PKD1L3: variants seen among roughly 807,000 people sequenced by gnomAD.
PKD1L3 encodes polycystin 1 like 3, transient receptor potential channel interacting.
A neutral mutation model predicts 184.1 loss-of-function variants in PKD1L3; 239 were observed. The ratio of observed to expected loss-of-function variants is 1.30; its 90% CI spans 1.17 to 1.45. The LOEUF is 1.45. PKD1L3 is among the 40% of genes most tolerant of loss of function. PKD1L3 has a pLI of 0.00. For synonymous variants in PKD1L3, 996 were observed against 778.8 expected (o/e 1.28, Z -4.64); for missense variants, 2,660 against 2,067.2 (o/e 1.29, Z -5.56).
chr16:71,970,620 C>A (rs1301416023), intron 12 of PKD1L3, among the ~76,000 whole-genome samples: 1 of 152,106 alleles, frequency 6.6e-6, no homozygotes, highest in East Asian at 1.9e-4. Flanking sequence ...CCAGCCTGGA[C>A]AACATGGTGA....
Position 71,951,631 on chromosome 16 carries a change from G to T in PKD1L3, c.3123C>A (p.Ser1041=). ...CCTCCAAGTGAGATGATACGAGGCT[G>T]GATAAAAGTTTCACCAGCTTAGTAA... ...WDITKLVKLL[S]SLVSSHLEGQ... Residue 1041 remains serine (S), a synonymous_variant, in exon 19 of 30, where the codon TCC becomes TCA. Coordinates refer to ENST00000620267, the MANE Select transcript of PKD1L3 (RefSeq NM_181536.2). 6.4e-7 allele frequency: 1 copy of T among 1,551,782 alleles called. No homozygotes were observed. The highest frequency in any genetic ancestry group is 8.7e-7 in the Non-Finnish European group (1 of 1,147,016).
At chr16:71,973,604 T>G in intron 11 of PKD1L3, 87 bp from the exon 12 acceptor site, 1 of 1,213,910 alleles carries the variant, frequency 8.2e-7, no homozygotes, top group Admixed American at 2.7e-5. Context: ...ATTATTAATA[T>G]TTTACAAATG....
intron 5 of PKD1L3, 26 bp downstream of exon 5, chr16:71,986,195 C>T: frequency 6.5e-7 from 1 of 1,549,770 alleles, no homozygotes; most frequent in Non-Finnish European, 8.7e-7. Flanking sequence ...ACAAAGCTAC[C>T]TGTGACTTGA....
At chr16:71,933,385 T>G in intron 28 of PKD1L3, 35 bp downstream of exon 28, 1 of 1,464,570 alleles carries the variant, frequency 6.8e-7, no homozygotes, top group Non-Finnish European at 9.4e-7. Context: ...GTTCAATATA[T>G]TGAATTCTGT....
rs150031820 is a variant in PKD1L3 at position 71,947,872 on chromosome 16, A to G, written c.3619-281T>C. Among the ~76,000 whole-genome samples the G allele has an allele frequency of 8.4e-3, 1,280 of 151,688 alleles. 7 individuals are homozygous for G. The highest frequency in any genetic ancestry group is 0.014 in the Non-Finnish European group (937 of 67,954). The stretch of plus-strand genomic sequence containing the variant: ...TCAAACGATTTGTGTTGTCTATTCA[A>G]TAACATCTCTCAGTATCTTTGGAAA... On this transcript the variant is annotated intron_variant, in intron 21 of 29. Transcript: ENST00000620267.
At chr16:71,978,495 GTATATATATATA>G (rs4045545) in intron 9 of PKD1L3, 112 bp from the exon 10 acceptor site, 54 of 145,782 alleles carry the variant, frequency 3.7e-4, no homozygotes, top group Non-Finnish European at 5.0e-4. Context: ...GTGTGTGTGT[GTATATATATATA>G]TATATATATA....
chr16:71,963,296 G>C lies in PKD1L3; in HGVS notation c.2521C>G (p.Leu841Val). 1 of 1,551,378 alleles carries C rather than the reference G, an allele frequency of 6.4e-7. No homozygotes were observed. Among genetic ancestry groups the C allele is most frequent in the Non-Finnish European group, 8.7e-7 (1 of 1,146,806 alleles). ...TCCACAGCCAGCCAGCAATTGCACAGGAAATGCCACTTCCTCTTAACTGCC... is the reference window on the plus strand; with the variant it reads ...TCCACAGCCAGCCAGCAATTGCACACGAAATGCCACTTCCTCTTAACTGCC... The part of the protein sequence containing the change: ...DMAVKRKWHF[L>V]CNCWLAVDLG... The change falls in exon 16 of 30, where the codon CTG (leucine) becomes GTG (valine). Residue 841 changes from leucine to valine, a missense_variant. Leu to Val is a conservative substitution (Grantham distance 32). Transcript: ENST00000620267.
At chr16:71,936,225 G>C (rs1201476615) in intron 25 of PKD1L3, among the ~76,000 whole-genome samples, 1 of 139,044 alleles carries the variant, frequency 7.2e-6, no homozygotes, top group Non-Finnish European at 1.5e-5. Flanking sequence ...TTTTTTTTGA[G>C]ACAGAGTTTC....
At chr16:71,949,740 C>G in intron 21 of PKD1L3, 43 bp downstream of exon 21, 8 of 1,514,184 alleles carry the variant, frequency 5.3e-6, no homozygotes, top group Non-Finnish European at 6.3e-6. Flanking sequence ...CTCAGTTCCC[C>G]TAACTTCTGC....
In PKD1L3 at chr16:71,986,441, T is replaced by G. The variant is rs2143801529; in HGVS notation, c.614A>C (p.Gln205Pro). 1 of 1,552,010 alleles carries G rather than the reference T, an allele frequency of 6.4e-7. No individual in the cohort carries two copies. Among genetic ancestry groups the G allele is most frequent in the South Asian group, 1.2e-5 (1 of 84,058 alleles). ...GATACTTGATAGTACTGAAGGAAACTGGCTGATGGGATGACACAGGGTCTT... is the reference window on the plus strand; with the variant it reads ...GATACTTGATAGTACTGAAGGAAACGGGCTGATGGGATGACACAGGGTCTT... The part of the protein sequence containing the change: ...LSKTLCHPIS[Q>P]FPSVLSSITS... The change falls in exon 5 of 30, where the codon CAG becomes CCG. Residue 205 changes from glutamine to proline, a missense_variant. Transcript: ENST00000620267.
At chr16:71,999,544 A>G in intron 1 of PKD1L3, 140 bp downstream of exon 1, 1 of 840,428 alleles carries the variant, frequency 1.2e-6, no homozygotes. Context: ...GAAATATTTC[A>G]GAGGAAAGAT....
At chr16:71,982,325 GC>G in intron 6 of PKD1L3, 90 bp from the exon 7 acceptor site, 1 of 1,137,206 alleles carries the variant, frequency 8.8e-7, no homozygotes, top group Non-Finnish European at 1.1e-6. Flanking sequence ...CACTCTTGTT[GC>G]CCAGGCTAGA....
chr16:71,936,519 CTTTTTTTT>C lies in PKD1L3; in HGVS notation c.4452+765_4452+772del, dbSNP rs397785025. Among the ~76,000 whole-genome samples, 4 of 123,544 alleles carry C rather than the reference CTTTTTTTT, an allele frequency of 3.2e-5. No homozygotes were observed. In the East Asian group the frequency reaches 9.2e-4, roughly 28 times the overall value. 81.0% of individuals were successfully genotyped at this position (123,544 alleles called of 152,430 possible). ...TGCCTGGCCAATCACTTTTTTTTTT[CTTTTTTTT>C]TTTTTTTTTGAGATGCAGTTTCACT... is the stretch of plus-strand genomic sequence containing the variant. On this transcript the variant is annotated intron_variant, in intron 25 of 29. Coordinates refer to ENST00000620267, the MANE Select transcript of PKD1L3 (RefSeq NM_181536.2).
intron 7 of PKD1L3, among the ~76,000 whole-genome samples, chr16:71,981,684 G>T (rs1009614952): frequency 6.6e-6 from 1 of 151,956 alleles, no homozygotes; most frequent in Non-Finnish European, 1.5e-5. Flanking sequence ...GGGATTACAG[G>T]CATGTACCAC....
chr16:71,998,192 C>G (rs2040856994), intron 2 of PKD1L3, 80 bp downstream of exon 2: 1 of 1,511,384 alleles, frequency 6.6e-7, no homozygotes, highest in South Asian at 1.2e-5. Flanking sequence ...ACTATTTAAC[C>G]AATATTCTCA....
In PKD1L3 at chr16:71,947,084, T is replaced by C. The variant is rs569703608; in HGVS notation, c.3718+408A>G. ...CAGCCTGGCCAACATGGCAAAACCC[T>C]GTCTCTACTAATACTACAAAAAAAT... On this transcript the variant is annotated intron_variant, in intron 22 of 29. Transcript: ENST00000620267. Among the ~76,000 whole-genome samples the C allele has an allele frequency of 3.0e-4, 45 of 151,880 alleles. No individual in the cohort carries two copies. The East Asian group carries it at 3.1e-3, about 11-fold the overall frequency.
Position 71,947,597 on chromosome 16 carries a change from C to G in PKD1L3, c.3619-6G>C. 1 of 1,510,718 alleles carries G rather than the reference C, an allele frequency of 6.6e-7. No individual in the cohort carries two copies. Among genetic ancestry groups the G allele is most frequent in the Non-Finnish European group, 9.0e-7 (1 of 1,111,238 alleles). 93.6% of individuals were successfully genotyped at this position (1,510,718 alleles called of 1,614,324 possible). ...AAGAATGTGAAGAAGACCACCTGGG[C>G]AGGAGAATCACAGAACATCGTGAGC... On this transcript the variant is annotated splice_polypyrimidine_tract_variant and splice_region_variant and intron_variant, in intron 21 of 29. Transcript: ENST00000620267.
At chr16:71,937,566 T>C (rs866234400) in intron 24 of PKD1L3, 147 bp from the exon 25 acceptor site, 4 of 895,134 alleles carry the variant, frequency 4.5e-6, no homozygotes, top group African/African-American at 1.7e-5. Flanking sequence ...CCTTTAGAGC[T>C]GTCATGAACA....
chr16:71,933,189 A>C (rs985693226), intron 28 of PKD1L3, among the ~76,000 whole-genome samples: 4 of 152,110 alleles, frequency 2.6e-5, no homozygotes, highest in Non-Finnish European at 5.9e-5. Context: ...TAAGGACACA[A>C]GAAGTGAGGA....
Sources: gnomAD v4.1 joint callset for allele counts (sites outside exome capture counted in the v4.1 genomes callset) on GRCh38, gnomAD v4.1.1 for gene constraint, MANE v1.5 for transcripts, NCBI Gene and HGNC (gene_info 2026-07-23, HGNC 2026-07-21) for gene names.